TRIO: variants seen among roughly 807,000 people sequenced by gnomAD.
The protein encoded by TRIO is triple functional domain protein.
TRIO carries 58 observed loss-of-function variants against 351.9 expected under a neutral mutation model. That is an observed-to-expected ratio of 0.16 (90% CI 0.13 to 0.21). The LOEUF is 0.21. Among genes scored for constraint, TRIO ranks in the 10% least tolerant of loss-of-function variants. The pLI, the probability that TRIO is intolerant of heterozygous loss-of-function variation, is 1.00. For missense variants in TRIO, 3,201 were observed against 4,027.8 expected (o/e 0.79, Z 5.56); for synonymous variants, 1,758 against 1,595.7 (o/e 1.10, Z -2.42).
At chr5:14,490,886 A>G (rs898450110) in intron 48 of TRIO, 2 of 455,628 alleles carry the variant, frequency 4.4e-6, no homozygotes, top group Admixed American at 2.4e-5. Context: ...GGGCATTGCC[A>G]TATAAGTCAG....
Position 14,328,532 on chromosome 5 carries a change from G to GCTCAATACGCCAGTTAAAACAATGC in TRIO, c.1732-2246_1732-2245insCTCAATACGCCAGTTAAAACAATGC, listed in dbSNP as rs1740617984. 3.9e-5 allele frequency among the ~76,000 whole-genome samples: 6 copies of GCTCAATACGCCAGTTAAAACAATGC among 152,194 alleles called. No homozygotes were observed. The South Asian group carries it at 1.2e-3, about 32-fold the overall frequency. On this transcript the variant is annotated intron_variant, in intron 9 of 56. Coordinates refer to ENST00000344204, the MANE Select transcript of TRIO (RefSeq NM_007118.4). The stretch of plus-strand genomic sequence containing the variant: ...GCTCAATACGCCAGTTAAAACAATG[G>GCTCAATACGCCAGTTAAAACAATGC]ACTCAATACTCTAGTTAAAATAATG...
At chr5:14,285,805 G>T (rs1736393067) in intron 3 of TRIO, among the ~76,000 whole-genome samples, 1 of 152,066 alleles carries the variant, frequency 6.6e-6, no homozygotes, top group African/African-American at 2.4e-5. Context: ...TTCCAAAAAA[G>T]ACCTTGTAGG....
At chr5:14,332,617 T>C (rs1191304557) in intron 10 of TRIO, among the ~76,000 whole-genome samples, 1 of 152,226 alleles carries the variant, frequency 6.6e-6, no homozygotes, top group Non-Finnish European at 1.5e-5. Flanking sequence ...TTATTTGCTA[T>C]CAAGCATTTT....
Position 14,286,966 on chromosome 5 carries a change from C to T in TRIO, c.443C>T (p.Ser148Phe). Residue 148 changes from serine (S) to phenylalanine (F), a missense_variant, in exon 4 of 57, where the codon TCC becomes TTC. By Grantham distance (155) the Ser-to-Phe change is radical (BLOSUM62 -2). This residue lies in a region of TRIO where 30 missense variants were observed against 35.1 expected (regional missense o/e 0.85). Transcript: ENST00000344204. The surrounding 1 kb of genome is among the most constrained non-coding windows in gnomAD (Gnocchi z 4.4). Reference protein sequence around the residue: ...IKPLLKILQESFPCCIHVALI... With the variant: ...IKPLLKILQEFFPCCIHVALI... ...CCCCTTCTGAAGATCCTGCAGGAGT[C>T]CTTCCCCTGCTGCATCCATGTGGCC... is the stretch of plus-strand genomic sequence containing the variant. 1 of 1,614,194 alleles carries T rather than the reference C, an allele frequency of 6.2e-7. No homozygotes were observed. Among genetic ancestry groups the T allele is most frequent in the Non-Finnish European group, 8.5e-7 (1 of 1,180,024 alleles).
intron 34 of TRIO, among the ~76,000 whole-genome samples, chr5:14,438,777 G>A (rs1012724138): frequency 6.6e-6 from 1 of 152,200 alleles, no homozygotes; most frequent in Non-Finnish European, 1.5e-5. Context: ...ACTCACCTCC[G>A]CATTTCCGCT....
chr5:14,267,618 G>A (rs1418455807), intron 1 of TRIO, among the ~76,000 whole-genome samples: 3 of 152,138 alleles, frequency 2.0e-5, no homozygotes, highest in Non-Finnish European at 4.4e-5. Flanking sequence ...TTCCTAAATA[G>A]CTCTTCAGGG....
At chr5:14,433,504 T>C (rs1190212586) in intron 34 of TRIO, among the ~76,000 whole-genome samples, 1 of 152,150 alleles carries the variant, frequency 6.6e-6, no homozygotes, top group Non-Finnish European at 1.5e-5. Context: ...ACTGTGGACA[T>C]ATTGTGCAGA....
intron 1 of TRIO, among the ~76,000 whole-genome samples, chr5:14,156,353 T>C (rs920693728): frequency 6.6e-6 from 1 of 152,200 alleles, no homozygotes; most frequent in Non-Finnish European, 1.5e-5. Flanking sequence ...CTAAGCGTGC[T>C]CATTGCTACA....
intron 1 of TRIO, among the ~76,000 whole-genome samples, chr5:14,266,936 G>T (rs1443156308): frequency 1.3e-5 from 2 of 152,130 alleles, no homozygotes; most frequent in Admixed American, 6.5e-5. Context: ...AGCCTCGACT[G>T]ACTCCATTCT....
chr5:14,387,082 C>T (rs191284673), intron 21 of TRIO, among the ~76,000 whole-genome samples: 1 of 152,220 alleles, frequency 6.6e-6, no homozygotes, highest in East Asian at 1.9e-4. Context: ...CTTTGCTCAG[C>T]GGCTTTGAGG....
At chr5:14,409,354 A>AGAGAAAGAGGAAGAATAAAAC in intron 33 of TRIO, among the ~76,000 whole-genome samples, 2 of 149,634 alleles carry the variant, frequency 1.3e-5, no homozygotes, top group East Asian at 2.0e-4. Flanking sequence ...AGAATAAATC[A>AGAGAAAGAGGAAGAATAAAAC]CTACCAGAAC....
At chr5:14,359,564 G>C (rs375740884) in intron 13 of TRIO, 33 bp downstream of exon 13, 37 of 1,605,690 alleles carry the variant, frequency 2.3e-5, no homozygotes, top group Non-Finnish European at 2.8e-5. Flanking sequence ...CTGCCTGCCT[G>C]TGGGAGCCCT....
intron 21 of TRIO, among the ~76,000 whole-genome samples, chr5:14,382,448 G>A (rs555734573): frequency 1.8e-4 from 28 of 152,292 alleles, no homozygotes; most frequent in Admixed American, 9.8e-4. Context: ...TATCCTGGAG[G>A]CTCACACAGG....
chr5:14,433,108 A>G (rs748232095), intron 34 of TRIO, among the ~76,000 whole-genome samples: 5 of 152,218 alleles, frequency 3.3e-5, no homozygotes, highest in South Asian at 2.1e-4. Flanking sequence ...CAAACAGAGA[A>G]TGTCACATAG....
At chr5:14,441,025 CCA>C (rs1420419378) in intron 34 of TRIO, 12 of 152,084 alleles carry the variant, frequency 7.9e-5, no homozygotes, top group Admixed American at 4.6e-4. Flanking sequence ...CGCTCAGACG[CCA>C]GCGAGGGAGA....
At chr5:14,399,219 C>G in intron 30 of TRIO, 149 bp downstream of exon 30, 1 of 761,922 alleles carries the variant, frequency 1.3e-6, no homozygotes, top group Admixed American at 2.8e-5. Context: ...TTTTCATCTT[C>G]AGTGAAATTA....
chr5:14,403,237 TGTG>T lies in TRIO; in HGVS notation c.4716+2177_4716+2179del, dbSNP rs1474167837. On this transcript the variant is annotated intron_variant, in intron 31 of 56. Transcript: ENST00000344204. Reference sequence around the variant, plus strand: ...TGCAGGTTGTGGTGAGGGTGTAGGTTGTGGTGAGGGTACAGGTGGTGGTGAGGG... The same window carrying T: ...TGCAGGTTGTGGTGAGGGTGTAGGTTGTGAGGGTACAGGTGGTGGTGAGGG... Among the ~76,000 whole-genome samples the T allele has an allele frequency of 4.2e-3, 252 of 59,664 alleles. 2 individuals carry two copies. Among genetic ancestry groups the T allele is most frequent in the African/African-American group, 0.016 (223 of 14,260 alleles). The allele number at this position is 59,664 out of a possible 152,430, so 39.1% of individuals were successfully genotyped here.
At chr5:14,430,011 G>GA (rs1338997681) in intron 34 of TRIO, among the ~76,000 whole-genome samples, 3 of 152,014 alleles carry the variant, frequency 2.0e-5, no homozygotes, top group African/African-American at 7.3e-5. Flanking sequence ...ATCGGGCTGG[G>GA]ATCAGTTTGT....
At position 14,472,652 on chromosome 5, in the gene TRIO, G is replaced by T. The variant is rs1754773844; in HGVS notation, c.5973G>T (p.Val1991=). Residue 1991 remains valine, a synonymous_variant, in exon 39 of 57, where the codon GTG becomes GTT. Coordinates refer to ENST00000344204, the MANE Select transcript of TRIO (RefSeq NM_007118.4). ...ERDYVRDLGY[V]VEGYMALMKE... is the part of the protein sequence containing the mutation. ...ACTATGTGCGGGACCTTGGCTATGTGGTTGAGGTGTGTATTGCCAGAAATT... is the reference window on the plus strand; with the variant it reads ...ACTATGTGCGGGACCTTGGCTATGTTGTTGAGGTGTGTATTGCCAGAAATT... The T allele has an allele frequency of 6.2e-7, 1 of 1,613,810 alleles. No individual in the cohort carries two copies. The highest frequency in any genetic ancestry group is 1.7e-5 in the Admixed American group (1 of 60,020).
Sources: allele counts gnomAD v4.1 joint callset (sites outside exome capture counted in the v4.1 genomes callset), GRCh38; gene constraint gnomAD v4.1.1; regional missense constraint gnomAD v4.1.1; non-coding constraint Gnocchi (gnomAD v3.1); transcripts MANE v1.5; gene names NCBI Gene and HGNC (gene_info 2026-07-23, HGNC 2026-07-21).